The following FAM222B variants were observed in gnomAD, a reference collection of about 807,000 sequenced individuals.
FAM222B encodes the protein family with sequence similarity 222 member B.
Under a neutral mutation model 38.0 loss-of-function variants are expected in FAM222B, and 12 were observed. The observed-to-expected ratio is 0.32, with a 90% CI of 0.20 to 0.51. The LOEUF (loss-of-function observed/expected upper bound fraction) is 0.51. Among genes scored for constraint, FAM222B ranks in the 20% least tolerant of loss-of-function variants. The pLI is 0.97. For missense variants in FAM222B, 716 were observed against 754.2 expected, an observed-to-expected ratio of 0.95 and a Z score of 0.59; for synonymous variants, 329 against 317.2, an observed-to-expected ratio of 1.04 and a Z score of -0.40.
intron 1 of FAM222B, among the ~76,000 whole-genome samples, chr17:28,774,146 C>CT (rs11434048): frequency 0.21 from 29,935 of 142,354 alleles, 3,127 homozygotes; most frequent in South Asian, 0.3. Context: ...CTTTTGTTTT[C>CT]TTTTTTTTTT....
intron 1 of FAM222B, among the ~76,000 whole-genome samples, chr17:28,772,958 G>T (rs2035710070): frequency 6.6e-6 from 1 of 152,132 alleles, no homozygotes; most frequent in Admixed American, 6.6e-5. Context: ...TTTATTGATA[G>T]CAAACAAAGA....
At chr17:28,823,255 C>T (rs983665939) in intron 1 of FAM222B, among the ~76,000 whole-genome samples, 1 of 152,000 alleles carries the variant, frequency 6.6e-6, no homozygotes, top group African/African-American at 2.4e-5. Context: ...CTCCAATGAA[C>T]GGTTCTACTG....
In FAM222B at chr17:28,758,103, G is replaced by A. The variant is rs559540107; in HGVS notation, c.*167C>T. The A allele has an allele frequency of 1.5e-4, 91 of 599,442 alleles. No individual in the cohort carries two copies. Among genetic ancestry groups the A allele is most frequent in the African/African-American group, 1.5e-3 (78 of 53,738 alleles). The allele number at this position is 599,442 out of a possible 1,614,324, so 37.1% of individuals were successfully genotyped here. ...ACCAAAAGTTGCTGGAGGGGAGGAC[G>A]AGAGGACCCCTTCTGTCCCCACTTA... On this transcript the variant is annotated 3_prime_UTR_variant, in exon 3 of 3. Coordinates refer to ENST00000581407, the MANE Select transcript of FAM222B (RefSeq NM_001077498.3).
intron 1 of FAM222B, among the ~76,000 whole-genome samples, chr17:28,791,754 G>C (rs1454617929): frequency 6.7e-6 from 1 of 148,220 alleles, no homozygotes; most frequent in Non-Finnish European, 1.5e-5. Context: ...CCACTTTCTG[G>C]GTTCAAGTGA....
chr17:28,801,019 G>C (rs1597961495), intron 1 of FAM222B, among the ~76,000 whole-genome samples: 1 of 151,682 alleles, frequency 6.6e-6, no homozygotes, highest in Admixed American at 6.6e-5. Context: ...TTAGCTGGGC[G>C]TGGTGGCAGG....
At chr17:28,796,240 C>T (rs890989247) in intron 1 of FAM222B, among the ~76,000 whole-genome samples, 20 of 152,194 alleles carry the variant, frequency 1.3e-4, no homozygotes, top group Admixed American at 3.9e-4. Context: ...ACACCCTAAG[C>T]GGAGGGAAGC....
In FAM222B at chr17:28,758,815, C is replaced by T. The variant is rs1374183740; in HGVS notation, c.1144G>A (p.Gly382Arg). ...CCTGTCAGGCCAGGGGCTGGCGTCC[C>T]ACTAGCCTCGCTGCACATCTGCTGT... ...HLQQMCSEASGTPAPGLTGKH... is the reference protein window; with the variant it reads ...HLQQMCSEASRTPAPGLTGKH... Residue 382 changes from glycine to arginine, a missense_variant, in exon 3 of 3, where the codon GGG (glycine) becomes AGG (arginine). By Grantham distance (125) the Gly-to-Arg change is moderately radical. Coordinates refer to ENST00000581407, the MANE Select transcript of FAM222B (RefSeq NM_001077498.3). The T allele has an allele frequency of 6.3e-7, 1 of 1,586,308 alleles. No homozygotes were observed.
intron 1 of FAM222B, among the ~76,000 whole-genome samples, chr17:28,841,500 A>C (rs967004256): frequency 3.3e-5 from 5 of 151,854 alleles, no homozygotes; most frequent in African/African-American, 4.8e-5. Flanking sequence ...TCAGCTTCCC[A>C]AGCAGCTGGG....
At chr17:28,761,431 A>AC (rs1236923341) in intron 2 of FAM222B, among the ~76,000 whole-genome samples, 1 of 152,234 alleles carries the variant, frequency 6.6e-6, no homozygotes, top group African/African-American at 2.4e-5. Context: ...CTCTCTCCTT[A>AC]CTTCCTCCTC....
At chr17:28,765,783 C>G (rs752417610) in intron 2 of FAM222B, among the ~76,000 whole-genome samples, 1 of 152,120 alleles carries the variant, frequency 6.6e-6, no homozygotes, top group Non-Finnish European at 1.5e-5. Flanking sequence ...AGTGTATTAG[C>G]AGGAAAATGC....
chr17:28,840,405 A>C (rs1292761067), intron 1 of FAM222B, among the ~76,000 whole-genome samples: 1 of 152,096 alleles, frequency 6.6e-6, no homozygotes, highest in African/African-American at 2.4e-5. Context: ...TTCTCTTTCC[A>C]TAAACACATA....
intron 1 of FAM222B, among the ~76,000 whole-genome samples, chr17:28,820,966 T>A (rs112178721): frequency 0.018 from 2,686 of 150,572 alleles, 68 homozygotes; most frequent in African/African-American, 0.05. Flanking sequence ...ATTTTATTTT[T>A]TTTTTTTTGA....
intron 1 of FAM222B, among the ~76,000 whole-genome samples, chr17:28,851,693 T>A (rs1001273584): frequency 1.3e-5 from 2 of 151,224 alleles, no homozygotes; most frequent in Non-Finnish European, 3.0e-5. Flanking sequence ...CTAGCCAACA[T>A]GGCGAAACCC....
At chr17:28,763,600 G>A (rs2035187377) in intron 2 of FAM222B, among the ~76,000 whole-genome samples, 1 of 152,260 alleles carries the variant, frequency 6.6e-6, no homozygotes, top group African/African-American at 2.4e-5. Flanking sequence ...TCTATCTGTA[G>A]GCAGAGAGGC....
At position 28,790,892 on chromosome 17, in the gene FAM222B, T is replaced by A. The variant is rs1337345456; in HGVS notation, c.-40-24185A>T. 6.0e-3 allele frequency among the ~76,000 whole-genome samples: 567 copies of A among 94,426 alleles called. 62 individuals carry two copies. Among genetic ancestry groups the A allele is most frequent in the African/African-American group, 0.018 (466 of 26,276 alleles). 61.9% of individuals were successfully genotyped at this position (94,426 alleles called of 152,430 possible). ...TATTTCAAATTGTTTCACTTTTTTT[T>A]TTTTTTTTTTTTTTTTTTTTTTTAG... On this transcript the variant is annotated intron_variant, in intron 1 of 2. Transcript: ENST00000581407.
intron 1 of FAM222B, among the ~76,000 whole-genome samples, chr17:28,816,673 GCAAA>G (rs775750177): frequency 3.4e-4 from 51 of 151,858 alleles, no homozygotes; most frequent in South Asian, 1.3e-3. Context: ...CGAAAAGAAG[GCAAA>G]CAGTCTTAAA....
chr17:28,792,545 G>A (rs955855298), intron 1 of FAM222B, among the ~76,000 whole-genome samples: 1 of 151,868 alleles, frequency 6.6e-6, no homozygotes, highest in Non-Finnish European at 1.5e-5. Flanking sequence ...CTTTGGGAGG[G>A]TGAGTCGGGT....
At chr17:28,792,647 G>A (rs1303082312) in intron 1 of FAM222B, among the ~76,000 whole-genome samples, 1 of 151,982 alleles carries the variant, frequency 6.6e-6, no homozygotes, top group Non-Finnish European at 1.5e-5. Context: ...CAGGTGTGGT[G>A]GCATGTGCCT....
chr17:28,817,379 C>CT (rs1426621153), intron 1 of FAM222B, among the ~76,000 whole-genome samples: 1 of 151,254 alleles, frequency 6.6e-6, no homozygotes, highest in East Asian at 1.9e-4. Context: ...CACCACTGAA[C>CT]TCCAGCCTGG....
Sources: allele counts gnomAD v4.1 joint callset (sites outside exome capture counted in the v4.1 genomes callset), GRCh38; gene constraint gnomAD v4.1.1; transcripts MANE v1.5; gene names NCBI Gene and HGNC (gene_info 2026-07-23, HGNC 2026-07-21).